The following ABTB2 variants were observed in gnomAD, a reference collection of about 807,000 sequenced individuals.
ABTB2 encodes ankyrin repeat and BTB/POZ domain-containing protein 2.
A neutral mutation model predicts 104.1 loss-of-function variants in ABTB2; 56 were observed. The ratio of observed to expected loss-of-function variants is 0.54; its 90% CI spans 0.43 to 0.67. The LOEUF is 0.67. ABTB2 is among the 30% of genes least tolerant of loss of function. The probability of loss-of-function intolerance (pLI) is 0.00; values close to 1 mark genes in which losing one functional copy is unlikely to be tolerated. For missense variants in ABTB2, 1,279 were observed against 1,407.7 expected (o/e 0.91, Z 1.46); for synonymous variants, 606 against 608.2 (o/e 1.00, Z 0.05).
At chr11:34,169,862 C>T (rs571803467) in intron 5 of ABTB2, among the ~76,000 whole-genome samples, 29 of 152,288 alleles carry the variant, frequency 1.9e-4, no homozygotes, top group African/African-American at 4.6e-4. Context: ...TCGGCTCAAC[C>T]GCTTCCAGCA....
chr11:34,270,089 T>C (rs772665005), intron 1 of ABTB2, among the ~76,000 whole-genome samples: 55 of 152,216 alleles, frequency 3.6e-4, no homozygotes, highest in Non-Finnish European at 6.2e-4. Flanking sequence ...GGATGCTTCA[T>C]GCACGGATGC....
At chr11:34,291,098 T>C (rs572372986) in intron 1 of ABTB2, among the ~76,000 whole-genome samples, 1 of 152,268 alleles carries the variant, frequency 6.6e-6, no homozygotes, top group African/African-American at 2.4e-5. Flanking sequence ...GGGAATGGGG[T>C]TTGTCATTAT....
At chr11:34,346,828 G>T (rs1160836593) in intron 1 of ABTB2, among the ~76,000 whole-genome samples, 1 of 152,180 alleles carries the variant, frequency 6.6e-6, no homozygotes, top group Non-Finnish European at 1.5e-5. Context: ...GTACTGGATT[G>T]TTCCGGATGC....
At chr11:34,214,167 C>CACACACAT (rs1427037722) in intron 1 of ABTB2, among the ~76,000 whole-genome samples, 4 of 151,850 alleles carry the variant, frequency 2.6e-5, no homozygotes, top group Admixed American at 6.6e-5. Flanking sequence ...CACACACACA[C>CACACACAT]ACACACACAA....
intron 1 of ABTB2, among the ~76,000 whole-genome samples, chr11:34,294,917 T>C (rs1854602980): frequency 6.6e-6 from 1 of 151,978 alleles, no homozygotes; most frequent in East Asian, 1.9e-4. Context: ...GGTTTCACCA[T>C]GTTGGCCAGG....
Position 34,163,393 on chromosome 11 carries a change from C to T in ABTB2, c.1989-588G>A, listed in dbSNP as rs192936635. Among the ~76,000 whole-genome samples the T allele has an allele frequency of 1.1e-4, 16 of 152,320 alleles. 1 individual carries two copies. Among genetic ancestry groups the T allele is most frequent in the Admixed American group, 9.1e-4 (14 of 15,306 alleles). The stretch of plus-strand genomic sequence containing the variant: ...ATGAATGAAGACACAGAATGTTAGA[C>T]CCCACAGAGGACGCTCCCCCGTGCT... On this transcript the variant is annotated intron_variant, in intron 9 of 16. Transcript: ENST00000435224.
chr11:34,207,121 G>A (rs1437826855), intron 1 of ABTB2, among the ~76,000 whole-genome samples: 1 of 152,150 alleles, frequency 6.6e-6, no homozygotes, highest in Non-Finnish European at 1.5e-5. Context: ...AAACAAAAGG[G>A]AAAACCACCC....
At chr11:34,283,279 G>A (rs1256748164) in intron 1 of ABTB2, among the ~76,000 whole-genome samples, 3 of 151,954 alleles carry the variant, frequency 2.0e-5, no homozygotes. Flanking sequence ...GCAGTGGCAC[G>A]ACCTCAGCTC....
At chr11:34,291,268 T>C (rs917899339) in intron 1 of ABTB2, among the ~76,000 whole-genome samples, 1 of 152,222 alleles carries the variant, frequency 6.6e-6, no homozygotes, top group African/African-American at 2.4e-5. Context: ...TCATCCCAAG[T>C]GGACCAGTTT....
intron 1 of ABTB2, among the ~76,000 whole-genome samples, chr11:34,299,147 G>A (rs184036915): frequency 3.3e-4 from 51 of 152,306 alleles, no homozygotes; most frequent in African/African-American, 1.2e-3. Flanking sequence ...GCTGGTGATT[G>A]TAAAATAGGA....
intron 5 of ABTB2, among the ~76,000 whole-genome samples, chr11:34,170,545 T>C (rs2957489): frequency 0.11 from 17,433 of 152,234 alleles, 1,041 homozygotes; most frequent in African/African-American, 0.15. Context: ...AGGGTTTCCA[T>C]GCCCTGGCAA....
intron 1 of ABTB2, among the ~76,000 whole-genome samples, chr11:34,302,153 A>T (rs1006269901): frequency 3.9e-5 from 6 of 152,116 alleles, no homozygotes; most frequent in African/African-American, 1.4e-4. Flanking sequence ...CTTTTACAGA[A>T]CTGGACCACA....
At position 34,161,159 on chromosome 11, in the gene ABTB2, C is replaced by T. The variant is rs368385988; in HGVS notation, c.2219-78G>A. The T allele has an allele frequency of 6.0e-4, 846 of 1,409,542 alleles. 3 individuals are homozygous for T. The highest frequency in any genetic ancestry group is 6.9e-4 in the Non-Finnish European group (732 of 1,058,692). 87.3% of individuals were successfully genotyped at this position (1,409,542 alleles called of 1,614,324 possible). ...GGCACAGACCACAGCCTTTTCTGGG[C>T]AGACTCTCTCGGGATGCCCCCGCTG... On this transcript the variant is annotated intron_variant, in intron 10 of 16. Coordinates refer to ENST00000435224, the MANE Select transcript of ABTB2 (RefSeq NM_145804.3).
At chr11:34,168,957 G>C (rs1307684408) in intron 5 of ABTB2, among the ~76,000 whole-genome samples, 1 of 152,252 alleles carries the variant, frequency 6.6e-6, no homozygotes, top group South Asian at 2.1e-4. Context: ...GTGTAGACAA[G>C]ATCTCCTTAC....
At chr11:34,305,499 C>G (rs931415442) in intron 1 of ABTB2, among the ~76,000 whole-genome samples, 1 of 152,214 alleles carries the variant, frequency 6.6e-6, no homozygotes, top group Non-Finnish European at 1.5e-5. Flanking sequence ...TGAGGTTTCG[C>G]CTTCCTAGCA....
chr11:34,276,010 T>C lies in ABTB2; in HGVS notation c.884-71320A>G, dbSNP rs1346708785. ...TGTCAAATACCTGAACAGAAACCTT[T>C]TCACATTTAATCCACCTACTCATTG... On this transcript the variant is annotated intron_variant, in intron 1 of 16. Transcript: ENST00000435224. 2.0e-5 allele frequency among the ~76,000 whole-genome samples: 3 copies of C among 152,196 alleles called. 1 individual carries two copies.
intron 3 of ABTB2, among the ~76,000 whole-genome samples, chr11:34,178,577 C>T (rs369123867): frequency 2.6e-5 from 4 of 152,344 alleles, no homozygotes; most frequent in South Asian, 2.1e-4. Context: ...TCTCATTCCC[C>T]GCTTGTTGCG....
intron 1 of ABTB2, among the ~76,000 whole-genome samples, chr11:34,308,236 T>C (rs994452746): frequency 6.6e-6 from 1 of 152,180 alleles, no homozygotes; most frequent in African/African-American, 2.4e-5. Flanking sequence ...TATTAGTCAT[T>C]GCTACTATAT....
chr11:34,357,473 G>A lies in ABTB2; in HGVS notation c.111C>T (p.Ser37=). ...CRSLSLSSSK[S]NSQALNSSAQ... Reference sequence around the variant, plus strand: ...CCGAAGAGTTGAGCGCCTGCGAGTTGGACTTGGAGGACGAGAGGCTGAGCG... The same window carrying A: ...CCGAAGAGTTGAGCGCCTGCGAGTTAGACTTGGAGGACGAGAGGCTGAGCG... The change falls in exon 1 of 17, where the codon TCC becomes TCT. Residue 37 remains serine (S), a synonymous_variant. Coordinates refer to ENST00000435224, the MANE Select transcript of ABTB2 (RefSeq NM_145804.3). The A allele has an allele frequency of 6.5e-7, 1 of 1,546,434 alleles. No individual in the cohort carries two copies. The highest frequency in any genetic ancestry group is 8.7e-7 in the Non-Finnish European group (1 of 1,146,846).
Sources: gnomAD v4.1 joint callset for allele counts (sites outside exome capture counted in the v4.1 genomes callset) on GRCh38, gnomAD v4.1.1 for gene constraint, MANE v1.5 for transcripts, NCBI Gene and HGNC (gene_info 2026-07-23, HGNC 2026-07-21) for gene names.